NKAIN3: variants seen among roughly 807,000 people sequenced by gnomAD.
NKAIN3 encodes sodium/potassium transporting ATPase interacting 3.
A neutral mutation model predicts 30.2 loss-of-function variants in NKAIN3; 25 were observed. The observed-to-expected ratio is 0.83, with a 90% CI of 0.60 to 1.16. The LOEUF (loss-of-function observed/expected upper bound fraction) is 1.16, where lower values mean the gene tolerates loss of function less well. NKAIN3 is among the 50% of genes most tolerant of loss of function. The pLI is 0.00. For synonymous variants in NKAIN3, 91 were observed against 89.6 expected (o/e 1.02, Z -0.09); for missense variants, 225 against 254.1 (o/e 0.89, Z 0.78).
At chr8:62,337,466 A>G (rs2129590586) in intron 1 of NKAIN3, among the ~76,000 whole-genome samples, 1 of 152,098 alleles carries the variant, frequency 6.6e-6, no homozygotes, top group Non-Finnish European at 1.5e-5. Flanking sequence ...CAGGAAAAAA[A>G]AACATATAGG....
intron 1 of NKAIN3, among the ~76,000 whole-genome samples, chr8:62,386,351 A>G (rs994083129): frequency 6.6e-6 from 1 of 152,206 alleles, no homozygotes; most frequent in Admixed American, 6.5e-5. Context: ...AGCTCCTAAT[A>G]AAATATGGTC....
intron 4 of NKAIN3, among the ~76,000 whole-genome samples, chr8:62,750,126 T>G (rs16929515): frequency 6.6e-6 from 1 of 151,276 alleles, no homozygotes; most frequent in Non-Finnish European, 1.5e-5. Flanking sequence ...ACCAAGCAAA[T>G]AGAGGGGCAG....
At chr8:62,952,528 T>C (rs1823312483) in intron 5 of NKAIN3, among the ~76,000 whole-genome samples, 1 of 152,210 alleles carries the variant, frequency 6.6e-6, no homozygotes, top group South Asian at 2.1e-4. Flanking sequence ...TCAATCTGAG[T>C]TCTGACTATT....
rs117372963 is a variant in NKAIN3 at position 62,492,684 on chromosome 8, C to T, written c.55-86855C>T. On this transcript the variant is annotated intron_variant, in intron 1 of 6. Transcript: ENST00000623646. ...CAATTTTCTACCAATTTTGAAATTACGCTTTTTTTGCAGCTTCATGTGAAT... is the reference window on the plus strand; with the variant it reads ...CAATTTTCTACCAATTTTGAAATTATGCTTTTTTTGCAGCTTCATGTGAAT... Among the ~76,000 whole-genome samples the T allele has an allele frequency of 8.5e-5, 13 of 152,222 alleles. No homozygotes were observed. The East Asian group carries it at 9.7e-4, about 11-fold the overall frequency.
intron 1 of NKAIN3, among the ~76,000 whole-genome samples, chr8:62,401,434 C>A (rs1403028903): frequency 6.6e-6 from 1 of 151,994 alleles, no homozygotes; most frequent in Non-Finnish European, 1.5e-5. Flanking sequence ...TTCACTGGTG[C>A]CTTATTTAGT....
At chr8:62,589,875 T>TTTTGTG (rs1554551296) in intron 3 of NKAIN3, 81 bp downstream of exon 3, 2 of 429,966 alleles carry the variant, frequency 4.7e-6, no homozygotes, top group South Asian at 4.4e-5. Flanking sequence ...TATAGGTATA[T>TTTTGTG]TGTGTGTGTG....
intron 1 of NKAIN3, among the ~76,000 whole-genome samples, chr8:62,375,379 C>T (rs181507713): frequency 1.5e-3 from 236 of 152,286 alleles, no homozygotes; most frequent in Non-Finnish European, 2.9e-3. Flanking sequence ...ACTGATAGCA[C>T]ACCCTGGAAA....
chr8:62,698,235 A>G (rs1814225572), intron 3 of NKAIN3, among the ~76,000 whole-genome samples: 1 of 151,802 alleles, frequency 6.6e-6, no homozygotes, highest in Non-Finnish European at 1.5e-5. Context: ...CATGAGAAGA[A>G]AATGTTCAAG....
chr8:62,961,442 G>A (rs982588872), intron 6 of NKAIN3, among the ~76,000 whole-genome samples: 1 of 152,070 alleles, frequency 6.6e-6, no homozygotes, highest in African/African-American at 2.4e-5. Flanking sequence ...CCACAAGGAA[G>A]CAATCAGCCA....
At chr8:62,924,307 A>G (rs1174588285) in intron 5 of NKAIN3, among the ~76,000 whole-genome samples, 1 of 152,204 alleles carries the variant, frequency 6.6e-6, no homozygotes, top group Admixed American at 6.5e-5. Context: ...GAAGATACGG[A>G]TGATATATTG....
intron 3 of NKAIN3, among the ~76,000 whole-genome samples, chr8:62,699,693 T>C (rs2035303): frequency 0.027 from 4,126 of 152,276 alleles, 198 homozygotes; most frequent in African/African-American, 0.094. Flanking sequence ...TTGGGTGTTA[T>C]TAACATTCCT....
intron 1 of NKAIN3, among the ~76,000 whole-genome samples, chr8:62,319,240 T>C (rs1057429327): frequency 2.8e-4 from 42 of 152,286 alleles, no homozygotes; most frequent in African/African-American, 9.9e-4. Context: ...TTATTAGTCT[T>C]GCTAGTGGTC....
intron 2 of NKAIN3, among the ~76,000 whole-genome samples, chr8:62,585,195 C>T (rs559520476): frequency 1.3e-5 from 2 of 152,108 alleles, no homozygotes; most frequent in Non-Finnish European, 2.9e-5. Context: ...TGACTTACTC[C>T]TCAAGACTTA....
At chr8:62,798,638 T>C (rs746732820) in intron 4 of NKAIN3, among the ~76,000 whole-genome samples, 1 of 152,166 alleles carries the variant, frequency 6.6e-6, no homozygotes, top group African/African-American at 2.4e-5. Context: ...GTTCAAAGAT[T>C]GGTGAATAGT....
intron 5 of NKAIN3, among the ~76,000 whole-genome samples, chr8:62,942,559 A>G (rs1822998341): frequency 6.6e-6 from 1 of 151,778 alleles, no homozygotes. Context: ...ACCAAAAAAG[A>G]GCCCACATAG....
chr8:62,914,940 G>T (rs1402636690), intron 4 of NKAIN3, among the ~76,000 whole-genome samples: 3 of 151,948 alleles, frequency 2.0e-5, no homozygotes, highest in Non-Finnish European at 4.4e-5. Context: ...TTGTCCTAAT[G>T]CTCTCCCTCT....
chr8:62,500,493 G>GAA (rs57968331), intron 1 of NKAIN3, among the ~76,000 whole-genome samples: 1 of 133,884 alleles, frequency 7.5e-6, no homozygotes, highest in African/African-American at 2.8e-5. Flanking sequence ...AAGAAGAAAA[G>GAA]AAAGAAAGAA....
intron 4 of NKAIN3, among the ~76,000 whole-genome samples, chr8:62,812,180 T>C (rs1818508317): frequency 6.6e-6 from 1 of 151,950 alleles, no homozygotes; most frequent in Non-Finnish European, 1.5e-5. Flanking sequence ...TTCCCCTTTT[T>C]GTTCCACTCT....
intron 3 of NKAIN3, among the ~76,000 whole-genome samples, chr8:62,624,400 C>G (rs1042848006): frequency 6.6e-6 from 1 of 151,710 alleles, no homozygotes; most frequent in Non-Finnish European, 1.5e-5. Context: ...TTTTCTCTCT[C>G]AACACTTTAA....
Sources: allele counts gnomAD v4.1 joint callset (sites outside exome capture counted in the v4.1 genomes callset), GRCh38; gene constraint gnomAD v4.1.1; transcripts MANE v1.5; gene names NCBI Gene and HGNC (gene_info 2026-07-23, HGNC 2026-07-21).